Variants in SLC6A3 observed in about 807,000 individuals in gnomAD.
SLC6A3 encodes the protein sodium-dependent dopamine transporter.
Under a neutral mutation model 70.4 loss-of-function variants are expected in SLC6A3, and 19 were observed. That is an observed-to-expected ratio of 0.27 (90% CI 0.19 to 0.40). The LOEUF (loss-of-function observed/expected upper bound fraction) is 0.40, where lower values mean the gene tolerates loss of function less well. Ranked by LOEUF, SLC6A3 falls within the 10% of genes least tolerant of loss-of-function variation. SLC6A3 has a pLI of 1.00. For synonymous variants in SLC6A3, 368 were observed against 356.6 expected (o/e 1.03, Z -0.36); for missense variants, 613 against 838.5 (o/e 0.73, Z 3.32).
rs1272424284 is a variant in SLC6A3, at chr5:1,396,985, C to T, written c.1840-2227G>A. Among the ~76,000 whole-genome samples, 2 of 152,104 alleles carry T rather than the reference C, an allele frequency of 1.3e-5. No individual in the cohort carries two copies. Among genetic ancestry groups the T allele is most frequent in the East Asian group, 3.9e-4 (2 of 5,192 alleles). On this transcript the variant is annotated intron_variant, in intron 14 of 14. Transcript: ENST00000270349. This position sits in a 1 kb window ranked among gnomAD's most constrained non-coding sequence, Gnocchi z 7.0. ...GTGCCTAGTTTTCCTGCTGTGGGCT[C>T]ACAAGGGTCTGTTTGTTACGGTGAC...
chr5:1,433,796 A>G (rs566533033), intron 3 of SLC6A3, among the ~76,000 whole-genome samples: 3 of 148,026 alleles, frequency 2.0e-5, no homozygotes, highest in South Asian at 4.4e-4. Context: ...TCCATCCACA[A>G]CCATCCACAA....
At chr5:1,432,268 T>C (rs1394326323) in intron 4 of SLC6A3, among the ~76,000 whole-genome samples, 196 bp downstream of exon 4, 2 of 152,096 alleles carry the variant, frequency 1.3e-5, no homozygotes, top group Non-Finnish European at 2.9e-5. Context: ...CTACAGGAGC[T>C]TTGCTGAGCT....
chr5:1,393,814 G>GGACA lies in SLC6A3; in HGVS notation c.*920_*921insTGTC, dbSNP rs1755641888. Reference sequence around the variant, plus strand: ...GGGGCCCTGCATGCGTCCTGGGGTAGTACACGCTCCTGTGGGGGCCCTGCA... The same window carrying GGACA: ...GGGGCCCTGCATGCGTCCTGGGGTAGGACATACACGCTCCTGTGGGGGCCCTGCA... On this transcript the variant is annotated 3_prime_UTR_variant, in exon 15 of 15. Transcript: ENST00000270349. 1 of 144,160 alleles carries GGACA rather than the reference G, an allele frequency of 6.9e-6. No individual in the cohort carries two copies. Among genetic ancestry groups the GGACA allele is most frequent in the South Asian group, 2.2e-4 (1 of 4,566 alleles). The allele number at this position is 144,160 out of a possible 1,614,324, so 8.9% of individuals were successfully genotyped here.
rs548361555 is a variant in SLC6A3, at chr5:1,407,169, G to A, written c.1499-881C>T. ...GAACTGACCCTAAGACCTTAAGAGT[G>A]GTTTCTCCCCCCACATCTGGCCTGG... On this transcript the variant is annotated intron_variant, in intron 11 of 14. Coordinates refer to ENST00000270349, the MANE Select transcript of SLC6A3 (RefSeq NM_001044.5). 5.3e-5 allele frequency among the ~76,000 whole-genome samples: 8 copies of A among 152,302 alleles called. No homozygotes were observed. In the South Asian group the frequency reaches 1.7e-3, roughly 32 times the overall value.
chr5:1,423,900 A>G (rs1274932108), intron 4 of SLC6A3, among the ~76,000 whole-genome samples: 1 of 152,216 alleles, frequency 6.6e-6, no homozygotes, highest in Non-Finnish European at 1.5e-5. Context: ...TTGTGGGTCC[A>G]CTGAGGTCCC....
chr5:1,400,531 G>C (rs895720406), intron 14 of SLC6A3, among the ~76,000 whole-genome samples: 2 of 152,206 alleles, frequency 1.3e-5, no homozygotes, highest in Non-Finnish European at 2.9e-5. Context: ...CCAGGCCCAG[G>C]CCTCCCCTCC....
chr5:1,431,242 G>C (rs1053677737), intron 4 of SLC6A3, among the ~76,000 whole-genome samples: 1 of 152,264 alleles, frequency 6.6e-6, no homozygotes, highest in Non-Finnish European at 1.5e-5. Flanking sequence ...TGTCAGTAAC[G>C]ACCCTTCCAG....
intron 4 of SLC6A3, among the ~76,000 whole-genome samples, chr5:1,422,787 G>A (rs1184337152): frequency 3.5e-5 from 3 of 85,790 alleles, no homozygotes; most frequent in South Asian, 5.6e-4. Flanking sequence ...TGCCCACAGT[G>A]CTGCCCACGG....
intron 11 of SLC6A3, among the ~76,000 whole-genome samples, chr5:1,407,813 A>G (rs1756020670): frequency 6.6e-6 from 1 of 152,226 alleles, no homozygotes; most frequent in South Asian, 2.1e-4. Flanking sequence ...AGCAACACTG[A>G]AAACAATGTT....
In SLC6A3 at chr5:1,421,383, G is replaced by A. The variant is rs1756432243; in HGVS notation, c.792+493C>T. On this transcript the variant is annotated intron_variant, in intron 5 of 14. Coordinates refer to ENST00000270349, the MANE Select transcript of SLC6A3 (RefSeq NM_001044.5). This position sits in a 1 kb window ranked among gnomAD's most constrained non-coding sequence, Gnocchi z 7.2. ...GTAGAGATGGGGTTTCATCATGTTG[G>A]CCAGGCTGTTCTTGAACCCCTGACC... Among the ~76,000 whole-genome samples, 1 of 152,024 alleles carries A rather than the reference G, an allele frequency of 6.6e-6. No homozygotes were observed. Among genetic ancestry groups the A allele is most frequent in the Admixed American group, 6.6e-5 (1 of 15,264 alleles).
intron 6 of SLC6A3, among the ~76,000 whole-genome samples, chr5:1,417,565 C>T (rs989726041): frequency 3.3e-5 from 5 of 152,174 alleles, no homozygotes; most frequent in Non-Finnish European, 7.3e-5. Flanking sequence ...CAACTCTGGA[C>T]GTGAAAGGAA....
intron 2 of SLC6A3, 106 bp from the exon 3 acceptor site, chr5:1,441,596 C>A (rs28382227): frequency 1.6e-6 from 2 of 1,285,024 alleles, no homozygotes; most frequent in African/African-American, 1.5e-5. Context: ...CCTGGCCCGA[C>A]CGTTTCACCC....
intron 1 of SLC6A3, among the ~76,000 whole-genome samples, chr5:1,444,643 G>A (rs910138270): frequency 6.6e-6 from 1 of 152,216 alleles, no homozygotes; most frequent in Non-Finnish European, 1.5e-5. Flanking sequence ...AAGGGGTTCC[G>A]CGGCGCGAGC....
rs565793604 is a variant in SLC6A3 at position 1,397,380 on chromosome 5, G to A, written c.1840-2622C>T. ...CGGGAGGCGGAGCTTGCAGTGAGCC[G>A]AGATTGCGCCACTGCACTCCAGCCT... On this transcript the variant is annotated intron_variant, in intron 14 of 14. Coordinates refer to ENST00000270349, the MANE Select transcript of SLC6A3 (RefSeq NM_001044.5). The surrounding 1 kb of genome is among the most constrained non-coding windows in gnomAD (Gnocchi z 4.7). 6.6e-5 allele frequency among the ~76,000 whole-genome samples: 10 copies of A among 152,206 alleles called. No individual in the cohort carries two copies. Among genetic ancestry groups the A allele is most frequent in the African/African-American group, 2.2e-4 (9 of 41,444 alleles).
intron 7 of SLC6A3, among the ~76,000 whole-genome samples, chr5:1,415,110 T>A (rs1756254298): frequency 1.3e-5 from 2 of 151,994 alleles, no homozygotes; most frequent in South Asian, 2.1e-4. Context: ...CCAGGGCAGA[T>A]CTTCCAGAAG....
rs992609382 is a variant in SLC6A3 at position 1,437,666 on chromosome 5, G to A, written c.418+3693C>T. ...GCAGCTGGGCCTCACCATGAACTCC[G>A]CCCTCTGGCTTTCAAGGGTGGATCT... is the stretch of plus-strand genomic sequence containing the variant. On this transcript the variant is annotated intron_variant, in intron 3 of 14. Transcript: ENST00000270349. The surrounding 1 kb of genome is among the most constrained non-coding windows in gnomAD (Gnocchi z 4.8). 2.0e-5 allele frequency among the ~76,000 whole-genome samples: 3 copies of A among 152,208 alleles called. No individual in the cohort carries two copies. The highest frequency in any genetic ancestry group is 2.0e-4 in the Admixed American group (3 of 15,282).
intron 3 of SLC6A3, among the ~76,000 whole-genome samples, chr5:1,435,071 T>C (rs1756797556): frequency 6.6e-6 from 1 of 152,260 alleles, no homozygotes; most frequent in Non-Finnish European, 1.5e-5. Flanking sequence ...TTCTCCCATA[T>C]GGATCTGGTC....
chr5:1,409,711 T>C lies in SLC6A3; in HGVS notation c.1398+10A>G. On this transcript the variant is annotated intron_variant, in intron 10 of 14. Transcript: ENST00000270349. ...GACCAGGAGAAGGCGAAGCCGGCGATGGTACGTACGTTGGTGACGCAGAAC... is the reference window on the plus strand; with the variant it reads ...GACCAGGAGAAGGCGAAGCCGGCGACGGTACGTACGTTGGTGACGCAGAAC... The C allele has an allele frequency of 6.2e-7, 1 of 1,613,044 alleles. No homozygotes were observed. The highest frequency in any genetic ancestry group is 8.5e-7 in the Non-Finnish European group (1 of 1,180,012).
rs1755709943 is a variant in SLC6A3, at chr5:1,396,025, G to C, written c.1840-1267C>G. 6.6e-6 allele frequency among the ~76,000 whole-genome samples: 1 copy of C among 152,186 alleles called. No homozygotes were observed. Among genetic ancestry groups the C allele is most frequent in the African/African-American group, 2.4e-5 (1 of 41,448 alleles). ...CCAGAGCTGTTGCAACAGATTACAG[G>C]ATGGCCACATAGGGGACTCTCAGAA... On this transcript the variant is annotated intron_variant, in intron 14 of 14. Transcript: ENST00000270349. The surrounding 1 kb of genome is among the most constrained non-coding windows in gnomAD (Gnocchi z 7.0).
Sources: gnomAD v4.1 joint callset for allele counts (sites outside exome capture counted in the v4.1 genomes callset) on GRCh38, gnomAD v4.1.1 for gene constraint, Gnocchi (gnomAD v3.1) non-coding constraint, MANE v1.5 for transcripts, NCBI Gene and HGNC (gene_info 2026-07-23, HGNC 2026-07-21) for gene names.